Variants in CSRNP2 observed in about 807,000 individuals in gnomAD.
The protein encoded by CSRNP2 is cysteine/serine-rich nuclear protein 2.
Under a neutral mutation model 36.6 loss-of-function variants are expected in CSRNP2, and 11 were observed. The ratio of observed to expected loss-of-function variants is 0.30; its 90% CI spans 0.19 to 0.50. The LOEUF is 0.50. Among genes scored for constraint, CSRNP2 ranks in the 20% least tolerant of loss-of-function variants. CSRNP2 has a pLI of 0.98. For missense variants in CSRNP2, 483 were observed against 691.4 expected (o/e 0.70, Z 3.38); for synonymous variants, 248 against 275.3 (o/e 0.90, Z 0.98).
chr12:51,061,297 T>C lies in CSRNP2; in HGVS notation c.*2449A>G, dbSNP rs1948821831. ...AAGAACCTAAAGGGGAAAAAATTAT[T>C]TTCAGAGAACCAGACAAGCTTTGGA... On this transcript the variant is annotated 3_prime_UTR_variant, in exon 5 of 5. Transcript: ENST00000228515. 1 of 152,634 alleles carries C rather than the reference T, an allele frequency of 6.6e-6. No individual in the cohort carries two copies. Among genetic ancestry groups the C allele is most frequent in the African/African-American group, 2.4e-5 (1 of 41,452 alleles). 9.5% of individuals were successfully genotyped at this position (152,634 alleles called of 1,614,324 possible).
rs1937723227 is a variant in CSRNP2, at chr12:51,062,995, A to G, written c.*751T>C. 1 of 152,290 alleles carries G rather than the reference A, an allele frequency of 6.6e-6. No individual in the cohort carries two copies. The highest frequency in any genetic ancestry group is 2.4e-5 in the African/African-American group (1 of 41,454). The allele number at this position is 152,290 out of a possible 1,614,324, so 9.4% of individuals were successfully genotyped here. A position where few individuals can be genotyped will look rare whatever the true frequency, so the allele number is the denominator to read the frequency against. On this transcript the variant is annotated 3_prime_UTR_variant, in exon 5 of 5. Transcript: ENST00000228515. The stretch of plus-strand genomic sequence containing the variant: ...ACAGAAGGCTCAGGCTCGTTATACC[A>G]TATCCCCAGCCAATCCAGCTCTTTC...
At chr12:51,074,369 G>A (rs958934219) in intron 2 of CSRNP2, among the ~76,000 whole-genome samples, 1 of 152,196 alleles carries the variant, frequency 6.6e-6, no homozygotes, top group East Asian at 1.9e-4. Flanking sequence ...CGCCCGCCCC[G>A]GCCTCCCAAA....
intron 1 of CSRNP2, chr12:51,081,539 C>T: frequency 6.6e-6 from 1 of 152,200 alleles, no homozygotes; most frequent in South Asian, 2.1e-4. Context: ...GTCAAAATGA[C>T]CAACTCAACA....
At chr12:51,078,967 C>T (rs1420501308) in intron 1 of CSRNP2, among the ~76,000 whole-genome samples, 6 of 152,286 alleles carry the variant, frequency 3.9e-5, no homozygotes, top group Non-Finnish European at 7.3e-5. Context: ...AGACTTGGAA[C>T]CAACCCAAAT....
At chr12:51,072,562 C>CAAAAAAAAAAAAAA (rs71089741) in intron 3 of CSRNP2, among the ~76,000 whole-genome samples, 22 of 66,924 alleles carry the variant, frequency 3.3e-4, no homozygotes, top group East Asian at 6.7e-4. Context: ...GGCTCCGTCT[C>CAAAAAAAAAAAAAA]AAAAAAAAAA....
chr12:51,080,720 T>A (rs1939605825), intron 1 of CSRNP2, among the ~76,000 whole-genome samples: 1 of 152,224 alleles, frequency 6.6e-6, no homozygotes, highest in South Asian at 2.1e-4. Context: ...CAGCATTTTC[T>A]CTGACATTAG....
chr12:51,065,277 T>C (rs1938046645), intron 4 of CSRNP2, among the ~76,000 whole-genome samples: 1 of 152,208 alleles, frequency 6.6e-6, no homozygotes, highest in South Asian at 2.1e-4. Context: ...GGTTGACTAG[T>C]TTAGTTCTGA....
At chr12:51,070,300 G>T (rs1782277809) in intron 3 of CSRNP2, among the ~76,000 whole-genome samples, 1 of 152,154 alleles carries the variant, frequency 6.6e-6, no homozygotes, top group South Asian at 2.1e-4. Context: ...TTGTGGGGGA[G>T]GTGGTAGAGA....
rs142643949 is a variant in CSRNP2, at chr12:51,064,138, T to C, written c.1240A>G (p.Ser414Gly). Residue 414 changes from serine to glycine, a missense_variant, in exon 5 of 5, where the codon AGT becomes GGT. Physicochemically the swap from Ser to Gly is moderately conservative, Grantham distance 56. Around this residue, in one of 2 missense-constraint regions of CSRNP2, gnomAD observed 277 missense variants for 323.6 expected, o/e 0.86. Coordinates refer to ENST00000228515, the MANE Select transcript of CSRNP2 (RefSeq NM_030809.3). ...ACTTGATAATAGACCAGGGGCCCAC[T>C]GTTCAAGTAGGATGGGCTGTTCACC... The part of the protein sequence containing the change: ...STVNSPSYLN[S>G]GPLVYYQVEQ... 383 of 1,614,188 alleles carry C rather than the reference T, an allele frequency of 2.4e-4. 1 individual carries two copies. Among genetic ancestry groups the C allele is most frequent in the African/African-American group, 1.8e-3 (135 of 75,042 alleles).
intron 3 of CSRNP2, among the ~76,000 whole-genome samples, chr12:51,070,745 A>T (rs1939092187): frequency 6.6e-6 from 1 of 152,226 alleles, no homozygotes; most frequent in African/African-American, 2.4e-5. Flanking sequence ...AACACCAAGC[A>T]GCTGCTGGAA....
At position 51,063,550 on chromosome 12, in the gene CSRNP2, C is replaced by G. The variant is rs1937784619; in HGVS notation, c.*196G>C. 4.6e-6 allele frequency: 2 copies of G among 435,386 alleles called. No homozygotes were observed. The highest frequency in any genetic ancestry group is 8.0e-6 in the Non-Finnish European group (2 of 248,576). The allele number at this position is 435,386 out of a possible 1,614,324, so 27.0% of individuals were successfully genotyped here. A position where few individuals can be genotyped will look rare whatever the true frequency, so the allele number is the denominator to read the frequency against. ...CTTTGCCCCAAGACTATCCCCAGAT[C>G]AAGGTAGGGCTGGTCTCCTTGGTAC... On this transcript the variant is annotated 3_prime_UTR_variant, in exon 5 of 5. Transcript: ENST00000228515.
intron 3 of CSRNP2, among the ~76,000 whole-genome samples, chr12:51,072,436 A>G (rs1044157099): frequency 6.6e-6 from 1 of 151,624 alleles, no homozygotes; most frequent in African/African-American, 2.4e-5. Context: ...GGTGTTGGGC[A>G]CCTGTAGTCC....
rs116034259 is a variant in CSRNP2 at position 51,072,645 on chromosome 12, C to A, written c.411+1178G>T. ...GGGTCTTTTCCCAGCCTCTCTCTCTCGAAGAAGAGGTGGTGCTGTATCAGG... is the reference window on the plus strand; with the variant it reads ...GGGTCTTTTCCCAGCCTCTCTCTCTAGAAGAAGAGGTGGTGCTGTATCAGG... On this transcript the variant is annotated intron_variant, in intron 3 of 4. Coordinates refer to ENST00000228515, the MANE Select transcript of CSRNP2 (RefSeq NM_030809.3). Among the ~76,000 whole-genome samples, 516 of 148,234 alleles carry A rather than the reference C, an allele frequency of 3.5e-3. 12 individuals are homozygous for A. The highest frequency in any genetic ancestry group is 3.4e-3 in the Middle Eastern group (1 of 292).
Position 51,072,562 on chromosome 12 carries a change from C to CAAAAA in CSRNP2, c.411+1256_411+1260dup, listed in dbSNP as rs71089741. Among the ~76,000 whole-genome samples the CAAAAA allele has an allele frequency of 3.9e-4, 26 of 66,924 alleles. 1 individual carries two copies. The highest frequency in any genetic ancestry group is 6.7e-4 in the East Asian group (1 of 1,496). The allele number at this position is 66,924 out of a possible 152,430, so 43.9% of individuals were successfully genotyped here. A position where few individuals can be genotyped will look rare whatever the true frequency, so the allele number is the denominator to read the frequency against. On this transcript the variant is annotated intron_variant, in intron 3 of 4. Coordinates refer to ENST00000228515, the MANE Select transcript of CSRNP2 (RefSeq NM_030809.3). Reference sequence around the variant, plus strand: ...TGGGCAACAGAGCTAGGCTCCGTCTCAAAAAAAAAAAAAAAAAAAAAAAAA... The same window carrying CAAAAA: ...TGGGCAACAGAGCTAGGCTCCGTCTCAAAAAAAAAAAAAAAAAAAAAAAAAAAAAA...
intron 3 of CSRNP2, among the ~76,000 whole-genome samples, 197 bp from the exon 4 acceptor site, chr12:51,068,166 T>A (rs1938592909): frequency 6.6e-6 from 1 of 152,216 alleles, no homozygotes; most frequent in Non-Finnish European, 1.5e-5. Context: ...TCATTTTATT[T>A]ATTTTTTTGA....
intron 3 of CSRNP2, among the ~76,000 whole-genome samples, chr12:51,071,939 T>A (rs1043527644): frequency 2.0e-5 from 3 of 152,086 alleles, no homozygotes; most frequent in African/African-American, 7.3e-5. Flanking sequence ...AATGTCATTC[T>A]AGAGTGAGAA....
rs1939414573 is a variant in CSRNP2 at position 51,076,657 on chromosome 12, G to GA, written c.-86-11dup. On this transcript the variant is annotated splice_polypyrimidine_tract_variant and intron_variant, in intron 1 of 4. Transcript: ENST00000228515. The stretch of plus-strand genomic sequence containing the variant: ...CAGGTACATTAGGATTCTGCCCAGG[G>GA]AAAAAAAGGAATCAGCATTCCTGTC... The GA allele has an allele frequency of 4.3e-6, 6 of 1,393,878 alleles. No homozygotes were observed. Among genetic ancestry groups the GA allele is most frequent in the Non-Finnish European group, 6.0e-6 (6 of 1,003,946 alleles). The allele number at this position is 1,393,878 out of a possible 1,614,324, so 86.3% of individuals were successfully genotyped here. A position where few individuals can be genotyped will look rare whatever the true frequency, so the allele number is the denominator to read the frequency against.
rs761895437 is a variant in CSRNP2, at chr12:51,067,165, GA to G, written c.708+507del. On this transcript the variant is annotated intron_variant, in intron 4 of 4. Coordinates refer to ENST00000228515, the MANE Select transcript of CSRNP2 (RefSeq NM_030809.3). This position sits in a 1 kb window ranked among gnomAD's most constrained non-coding sequence, Gnocchi z 4.1. Reference sequence around the variant, plus strand: ...TTTATCTCAAGGAATCAGTATTTAGGAAACAGTATTTAGGAAATACTGTTTA... The same window carrying G: ...TTTATCTCAAGGAATCAGTATTTAGGAACAGTATTTAGGAAATACTGTTTA... Among the ~76,000 whole-genome samples, 10 of 151,940 alleles carry G rather than the reference GA, an allele frequency of 6.6e-5. No homozygotes were observed. The highest frequency in any genetic ancestry group is 1.2e-4 in the Non-Finnish European group (8 of 67,996).
chr12:51,061,944 G>A lies in CSRNP2; in HGVS notation c.*1802C>T, dbSNP rs1008641496. ...GTAGGGGAGTCTAGTTCAGTTCTGG[G>A]TAGCTTCGAGAGCTCAGGTACTTAA... On this transcript the variant is annotated 3_prime_UTR_variant, in exon 5 of 5. Transcript: ENST00000228515. 2 of 152,114 alleles carry A rather than the reference G, an allele frequency of 1.3e-5. No homozygotes were observed. The highest frequency in any genetic ancestry group is 1.9e-4 in the East Asian group (1 of 5,190). 9.4% of individuals were successfully genotyped at this position (152,114 alleles called of 1,614,324 possible).
Sources: allele counts gnomAD v4.1 joint callset (sites outside exome capture counted in the v4.1 genomes callset), GRCh38; gene constraint gnomAD v4.1.1; regional missense constraint gnomAD v4.1.1; non-coding constraint Gnocchi (gnomAD v3.1); transcripts MANE v1.5; gene names NCBI Gene and HGNC (gene_info 2026-07-23, HGNC 2026-07-21).